The following MDGA2 variants were observed in gnomAD, a reference collection of about 807,000 sequenced individuals.
MDGA2 encodes MAM domain containing glycosylphosphatidylinositol anchor 2, also known as MAM domain-containing glycosylphosphatidylinositol anchor protein 2.
In MDGA2, 40 loss-of-function variants were observed where a neutral mutation model predicts 117.8. That is an observed-to-expected ratio of 0.34 (90% CI 0.26 to 0.44). The LOEUF (loss-of-function observed/expected upper bound fraction) is 0.44, where lower values mean the gene tolerates loss of function less well. MDGA2 is among the 20% of genes least tolerant of loss of function. The probability of loss-of-function intolerance (pLI) is 1.00; values close to 1 mark genes in which losing one functional copy is unlikely to be tolerated. For synonymous variants in MDGA2, 452 were observed against 439.0 expected (o/e 1.03, Z -0.37); for missense variants, 1,123 against 1,250.6 (o/e 0.90, Z 1.54).
intron 4 of MDGA2, 49 bp downstream of exon 4, chr14:47,144,029 G>T: frequency 7.5e-7 from 1 of 1,339,892 alleles, no homozygotes; most frequent in East Asian, 2.7e-5. Flanking sequence ...CCTGAATTAG[G>T]AAAGTATCCT....
intron 8 of MDGA2, among the ~76,000 whole-genome samples, chr14:46,958,302 G>A (rs955884558): frequency 6.6e-5 from 10 of 152,062 alleles, no homozygotes; most frequent in Admixed American, 5.9e-4. Flanking sequence ...AAGAGGAAGG[G>A]ATGTTCAGAG....
intron 1 of MDGA2, among the ~76,000 whole-genome samples, chr14:47,425,213 T>G (rs767746537): frequency 2.0e-5 from 3 of 152,202 alleles, no homozygotes; most frequent in Admixed American, 6.5e-5. Context: ...TGGGAGAGGC[T>G]GCACCAAGTT....
chr14:47,070,809 T>C (rs1890254470), intron 6 of MDGA2, among the ~76,000 whole-genome samples: 1 of 152,186 alleles, frequency 6.6e-6, no homozygotes, highest in African/African-American at 2.4e-5. Flanking sequence ...GGTTTCACCA[T>C]GTTGGCCAGG....
At chr14:47,183,078 T>C (rs1884774162) in intron 3 of MDGA2, among the ~76,000 whole-genome samples, 1 of 152,160 alleles carries the variant, frequency 6.6e-6, no homozygotes, top group African/African-American at 2.4e-5. Context: ...TTTCTGAACA[T>C]TTATATGTAT....
intron 9 of MDGA2, among the ~76,000 whole-genome samples, chr14:46,928,727 T>G (rs1884425424): frequency 6.6e-6 from 1 of 152,180 alleles, no homozygotes; most frequent in Admixed American, 6.6e-5. Flanking sequence ...GTTATCTATC[T>G]TTTAATACCA....
At chr14:47,300,376 A>G (rs1243773871) in intron 2 of MDGA2, among the ~76,000 whole-genome samples, 1 of 152,224 alleles carries the variant, frequency 6.6e-6, no homozygotes, top group Non-Finnish European at 1.5e-5. Flanking sequence ...TGAGTAAAAC[A>G]TCCTCAATAT....
At chr14:46,959,366 G>A (rs1448587955) in intron 8 of MDGA2, among the ~76,000 whole-genome samples, 1 of 150,498 alleles carries the variant, frequency 6.6e-6, no homozygotes, top group African/African-American at 2.4e-5. Flanking sequence ...TATTATGTTA[G>A]TATTTGCATG....
intron 8 of MDGA2, among the ~76,000 whole-genome samples, chr14:46,984,315 G>A (rs568615549): frequency 2.0e-5 from 3 of 151,850 alleles, no homozygotes; most frequent in Admixed American, 1.3e-4. Context: ...ATACAAATAC[G>A]GAAGCATTCA....
intron 1 of MDGA2, among the ~76,000 whole-genome samples, chr14:47,421,398 A>G (rs1430047053): frequency 2.6e-5 from 4 of 152,170 alleles, no homozygotes; most frequent in Admixed American, 6.6e-5. Flanking sequence ...AACAAAACAA[A>G]GTTTGAACAC....
intron 1 of MDGA2, among the ~76,000 whole-genome samples, chr14:47,334,047 T>C (rs1890369326): frequency 6.6e-6 from 1 of 151,722 alleles, no homozygotes; most frequent in Non-Finnish European, 1.5e-5. Flanking sequence ...TAAAAATAAG[T>C]CTATAATGGA....
chr14:47,504,317 C>T (rs1421883959), intron 1 of MDGA2, among the ~76,000 whole-genome samples: 2 of 152,146 alleles, frequency 1.3e-5, no homozygotes, highest in African/African-American at 4.8e-5. Flanking sequence ...ATTTTGAATA[C>T]TGAGCTATGG....
intron 8 of MDGA2, among the ~76,000 whole-genome samples, chr14:46,979,105 T>G (rs1217128740): frequency 6.6e-6 from 1 of 152,164 alleles, no homozygotes; most frequent in South Asian, 2.1e-4. Flanking sequence ...ATTTTGGTCA[T>G]TCTTAAAATA....
intron 1 of MDGA2, among the ~76,000 whole-genome samples, chr14:47,400,988 A>C (rs2138461483): frequency 6.6e-6 from 1 of 151,196 alleles, no homozygotes; most frequent in Admixed American, 6.6e-5. Flanking sequence ...TGATCTCCTG[A>C]CCTCATGATC....
chr14:46,846,421 A>G (rs1454872504), intron 15 of MDGA2, among the ~76,000 whole-genome samples: 2 of 152,064 alleles, frequency 1.3e-5, no homozygotes, highest in Admixed American at 6.6e-5. Context: ...ATTTACCTCC[A>G]TGATTTCACT....
intron 1 of MDGA2, among the ~76,000 whole-genome samples, chr14:47,392,333 C>T (rs968795217): frequency 2.0e-5 from 3 of 151,988 alleles, no homozygotes; most frequent in South Asian, 2.1e-4. Flanking sequence ...GGAAAACTGT[C>T]GCCATAGTAC....
intron 8 of MDGA2, among the ~76,000 whole-genome samples, chr14:47,014,861 C>A (rs1219463706): frequency 6.6e-6 from 1 of 152,116 alleles, no homozygotes; most frequent in Non-Finnish European, 1.5e-5. Flanking sequence ...AAGAATTTTC[C>A]TTTGCATCCA....
chr14:47,410,059 A>G (rs1331422182), intron 1 of MDGA2, among the ~76,000 whole-genome samples: 1 of 152,222 alleles, frequency 6.6e-6, no homozygotes, highest in Non-Finnish European at 1.5e-5. Flanking sequence ...ATTGGTCCAC[A>G]TACTAACAAG....
At chr14:46,947,691 C>T (rs1220461049) in intron 9 of MDGA2, among the ~76,000 whole-genome samples, 4 of 152,044 alleles carry the variant, frequency 2.6e-5, no homozygotes, top group Non-Finnish European at 5.9e-5. Context: ...TCCTCCTTGC[C>T]TTCCACCATG....
At chr14:47,559,698 G>A (rs1895759062) in intron 1 of MDGA2, among the ~76,000 whole-genome samples, 1 of 151,280 alleles carries the variant, frequency 6.6e-6, no homozygotes, top group Non-Finnish European at 1.5e-5. Context: ...TCAGCCTCCC[G>A]AGTAGCTAGG....
Sources: allele counts gnomAD v4.1 joint callset (sites outside exome capture counted in the v4.1 genomes callset), GRCh38; gene constraint gnomAD v4.1.1; transcripts MANE v1.5; gene names NCBI Gene and HGNC (gene_info 2026-07-23, HGNC 2026-07-21).